The following AP4M1 variants were observed in gnomAD, a reference collection of about 807,000 sequenced individuals.
AP4M1 encodes the protein AP-4 complex subunit mu-1.
Under a neutral mutation model 62.4 loss-of-function variants are expected in AP4M1, and 58 were observed. That is an observed-to-expected ratio of 0.93 (90% CI 0.75 to 1.16). The LOEUF (loss-of-function observed/expected upper bound fraction) is 1.16. AP4M1 is among the 50% of genes most tolerant of loss of function. The probability of loss-of-function intolerance (pLI) is 0.00; values close to 1 mark genes in which losing one functional copy is unlikely to be tolerated. For missense variants in AP4M1, 626 were observed against 585.4 expected (o/e 1.07, Z -0.72); for synonymous variants, 290 against 239.7 (o/e 1.21, Z -1.94).
At chr7:100,101,617 T>C, upstream of AP4M1, 1 of 1,285,408 alleles carries the variant, frequency 7.8e-7, no homozygotes, top group Non-Finnish European at 1.1e-6. Context: ...GGAGAATCGC[T>C]CTTAAAGGGC....
At position 100,107,420 on chromosome 7, in the gene AP4M1, G is replaced by T. The variant is rs1189981486; in HGVS notation, c.*538G>T. ...GAACTGGAGAAGGATGGGAGGTGGG[G>T]CCTCCTTTGCCCTCCCCTGTTGGGG... On this transcript the variant is annotated 3_prime_UTR_variant, in exon 15 of 15. Transcript: ENST00000359593. The T allele has an allele frequency of 6.2e-7, 1 of 1,608,506 alleles. No individual in the cohort carries two copies. Among genetic ancestry groups the T allele is most frequent in the South Asian group, 1.1e-5 (1 of 90,910 alleles).
In AP4M1 at chr7:100,108,070, A is replaced by G; in HGVS notation, c.*1188A>G. ...TGGAGCCAGGAACCTTCAGCAAGCC[A>G]GGGGTGCGAGGGCCAGGCTGTGGGG... On this transcript the variant is annotated 3_prime_UTR_variant, in exon 15 of 15. Coordinates refer to ENST00000359593, the MANE Select transcript of AP4M1 (RefSeq NM_004722.4). The G allele has an allele frequency of 6.2e-7, 1 of 1,612,030 alleles. No homozygotes were observed. Among genetic ancestry groups the G allele is most frequent in the Non-Finnish European group, 8.5e-7 (1 of 1,179,560 alleles).
chr7:100,104,807 A>T (rs1389394119), intron 7 of AP4M1, 67 bp from the exon 8 acceptor site: 1 of 1,586,132 alleles, frequency 6.3e-7, no homozygotes, highest in African/African-American at 1.3e-5. Flanking sequence ...AGCCTGGGCG[A>T]CAGAGCGAGA....
Position 100,108,559 on chromosome 7 carries a change from G to A in AP4M1, c.*1677G>A, listed in dbSNP as rs1186395801. 1.3e-6 allele frequency: 2 copies of A among 1,580,454 alleles called. No homozygotes were observed. Among genetic ancestry groups the A allele is most frequent in the Non-Finnish European group, 1.7e-6 (2 of 1,158,038 alleles). On this transcript the variant is annotated 3_prime_UTR_variant, in exon 15 of 15. Transcript: ENST00000359593. ...AGTGTTTCTGCAGAACAGAAAAAAAGCCAGGTAGAGGGAGGGCTGGGGAAA... is the reference window on the plus strand; with the variant it reads ...AGTGTTTCTGCAGAACAGAAAAAAAACCAGGTAGAGGGAGGGCTGGGGAAA...
At position 100,105,990 on chromosome 7, in the gene AP4M1, C is replaced by T. The variant is rs752550923; in HGVS notation, c.961C>T (p.Leu321=). Residue 321 remains leucine, a synonymous_variant, in exon 12 of 15, where the codon CTG becomes TTG. Transcript: ENST00000359593. ...GGTTTATCTAAAGTTGCGATGTGAC[C>T]TGCTCTCAAAGAGGTAAGAGTGAGG... The part of the protein sequence containing the change: ...LQVYLKLRCD[L]LSKSQALNVR... 37 of 1,613,998 alleles carry T rather than the reference C, an allele frequency of 2.3e-5. No homozygotes were observed. Among genetic ancestry groups the T allele is most frequent in the East Asian group, 1.3e-4 (6 of 44,892 alleles).
Position 100,106,946 on chromosome 7 carries a change from C to T in AP4M1, c.*64C>T. Reference sequence around the variant, plus strand: ...TTGTCCCACGGGAGGACAGTCGTTTCTTTTCCAGCCTCCTGGCCTTCGGAC... The same window carrying T: ...TTGTCCCACGGGAGGACAGTCGTTTTTTTTCCAGCCTCCTGGCCTTCGGAC... On this transcript the variant is annotated 3_prime_UTR_variant, in exon 15 of 15. Coordinates refer to ENST00000359593, the MANE Select transcript of AP4M1 (RefSeq NM_004722.4). 1 of 1,512,410 alleles carries T rather than the reference C, an allele frequency of 6.6e-7. No homozygotes were observed. The highest frequency in any genetic ancestry group is 8.9e-7 in the Non-Finnish European group (1 of 1,120,406). 93.7% of individuals were successfully genotyped at this position (1,512,410 alleles called of 1,614,324 possible).
At chr7:100,102,592 G>T in intron 2 of AP4M1, 83 bp from the exon 3 acceptor site, 3 of 1,222,026 alleles carry the variant, frequency 2.5e-6, no homozygotes, top group East Asian at 2.3e-5. Flanking sequence ...AAGAGGCATC[G>T]GGATCCGAGC....
intron 6 of AP4M1, 51 bp from the exon 7 acceptor site, chr7:100,104,041 A>C (rs779514587): frequency 1.3e-5 from 20 of 1,522,924 alleles, no homozygotes; most frequent in South Asian, 1.1e-5. Context: ...TGTCCATTTC[A>C]GAACATAGGC....
Position 100,105,992 on chromosome 7 carries a change from G to C in AP4M1, c.963G>C (p.Leu321=). The C allele has an allele frequency of 6.2e-7, 1 of 1,614,142 alleles. No homozygotes were observed. Among genetic ancestry groups the C allele is most frequent in the Non-Finnish European group, 8.5e-7 (1 of 1,180,022 alleles). Residue 321 remains leucine, a synonymous_variant, in exon 12 of 15, where the codon CTG becomes CTC. Transcript: ENST00000359593. ...TTTATCTAAAGTTGCGATGTGACCT[G>C]CTCTCAAAGAGGTAAGAGTGAGGCT... ...LQVYLKLRCD[L]LSKSQALNVR... is the part of the protein sequence containing the mutation.
At position 100,104,753 on chromosome 7, in the gene AP4M1, C is replaced by T. The variant is rs908121952; in HGVS notation, c.607-121C>T. On this transcript the variant is annotated intron_variant, in intron 7 of 14. Coordinates refer to ENST00000359593, the MANE Select transcript of AP4M1 (RefSeq NM_004722.4). ...GGCTGAGGCAGGAGAATGTCTTGAA[C>T]CTGGGAGGTGGAGGTTGCAGTGAGC... is the stretch of plus-strand genomic sequence containing the variant. 3.8e-6 allele frequency: 4 copies of T among 1,062,954 alleles called. No individual in the cohort carries two copies. The Admixed American group carries it at 6.9e-5, about 18-fold the overall frequency. 65.8% of individuals were successfully genotyped at this position (1,062,954 alleles called of 1,614,324 possible).
upstream of AP4M1, chr7:100,101,439 G>A: frequency 8.8e-7 from 1 of 1,139,110 alleles, no homozygotes; most frequent in Non-Finnish European, 1.3e-6. Flanking sequence ...GCCACTGCGT[G>A]CGGGCCAATC....
rs1053754395 is a variant in AP4M1 at position 100,107,246 on chromosome 7, T to G, written c.*364T>G. 6.6e-7 allele frequency: 1 copy of G among 1,522,906 alleles called. No homozygotes were observed. The highest frequency in any genetic ancestry group is 8.8e-7 in the Non-Finnish European group (1 of 1,138,708). The allele number at this position is 1,522,906 out of a possible 1,614,324, so 94.3% of individuals were successfully genotyped here. A position where few individuals can be genotyped will look rare whatever the true frequency, so the allele number is the denominator to read the frequency against. On this transcript the variant is annotated 3_prime_UTR_variant, in exon 15 of 15. Coordinates refer to ENST00000359593, the MANE Select transcript of AP4M1 (RefSeq NM_004722.4). ...AATCCGGGGGCTGGCAGGTGGAGCA[T>G]CACGGAGCAGGCTGAGGGGAGCCGG...
At position 100,107,021 on chromosome 7, in the gene AP4M1, A is replaced by G. The variant is rs1012648149; in HGVS notation, c.*139A>G. On this transcript the variant is annotated 3_prime_UTR_variant, in exon 15 of 15. Coordinates refer to ENST00000359593, the MANE Select transcript of AP4M1 (RefSeq NM_004722.4). ...TCAGTCCCAAGACCAGGAGGGGGCA[A>G]TGGGCCCAGCCTTTCTGTGGTATCT... 59 of 1,236,032 alleles carry G rather than the reference A, an allele frequency of 4.8e-5. No homozygotes were observed. The highest frequency in any genetic ancestry group is 6.3e-5 in the Non-Finnish European group (55 of 875,234). The allele number at this position is 1,236,032 out of a possible 1,614,324, so 76.6% of individuals were successfully genotyped here.
At position 100,106,757 on chromosome 7, in the gene AP4M1, C is replaced by T. The variant is rs778562405; in HGVS notation, c.1237C>T (p.Arg413Trp). ...GPASLSFELP[R>W]HTCSGLQVRF... Reference sequence around the variant, plus strand: ...TGCCAGTCTCTCCTTCGAGCTTCCCCGGCACACGTGCTCTGGCCTCCAGGT... The same window carrying T: ...TGCCAGTCTCTCCTTCGAGCTTCCCTGGCACACGTGCTCTGGCCTCCAGGT... Residue 413 changes from arginine (R) to tryptophan (W), a missense_variant, in exon 15 of 15, where the codon CGG (arginine) becomes TGG (tryptophan). Coordinates refer to ENST00000359593, the MANE Select transcript of AP4M1 (RefSeq NM_004722.4). 5.2e-5 allele frequency: 84 copies of T among 1,613,964 alleles called. No homozygotes were observed. Among genetic ancestry groups the T allele is most frequent in the Admixed American group, 8.3e-5 (5 of 60,008 alleles).
Position 100,107,890 on chromosome 7 carries a change from C to T in AP4M1, c.*1008C>T. 1 of 1,570,978 alleles carries T rather than the reference C, an allele frequency of 6.4e-7. No individual in the cohort carries two copies. Among genetic ancestry groups the T allele is most frequent in the Non-Finnish European group, 8.7e-7 (1 of 1,155,250 alleles). ...CCAGGGTGCTCTGAGGTAACCCAGG[C>T]CCTCCAGATGCTCCCTGTCCCACAG... On this transcript the variant is annotated 3_prime_UTR_variant, in exon 15 of 15. Coordinates refer to ENST00000359593, the MANE Select transcript of AP4M1 (RefSeq NM_004722.4).
chr7:100,105,171 G>A (rs971452596), intron 9 of AP4M1, 69 bp from the exon 10 acceptor site: 32 of 1,611,638 alleles, frequency 2.0e-5, no homozygotes, highest in Non-Finnish European at 2.6e-5. Flanking sequence ...GTCAGACAGA[G>A]CCTCCCCTCT....
In AP4M1 at chr7:100,102,955, G is replaced by C; in HGVS notation, c.346G>C (p.Val116Leu). ...VALVYELLDE[V>L]LDYGYVQTTS... ...TCTGGTATACGAACTCCTGGATGAAGTGCTGGTGAGAATCAACAATCCCCT... is the reference window on the plus strand; with the variant it reads ...TCTGGTATACGAACTCCTGGATGAACTGCTGGTGAGAATCAACAATCCCCT... Residue 116 changes from valine (V) to leucine (L), a missense_variant, in exon 4 of 15, where the codon GTG becomes CTG. Coordinates refer to ENST00000359593, the MANE Select transcript of AP4M1 (RefSeq NM_004722.4). 6.2e-7 allele frequency: 1 copy of C among 1,613,526 alleles called. No homozygotes were observed. Among genetic ancestry groups the C allele is most frequent in the Non-Finnish European group, 8.5e-7 (1 of 1,179,658 alleles).
intron 7 of AP4M1, 97 bp downstream of exon 7, chr7:100,104,251 C>A: frequency 1.9e-6 from 2 of 1,051,928 alleles, no homozygotes; most frequent in Non-Finnish European, 2.9e-6. Flanking sequence ...GGCACAGTGG[C>A]TCATGCTTGT....
Position 100,103,390 on chromosome 7 carries a change from G to A in AP4M1, c.352-19G>A. The stretch of plus-strand genomic sequence containing the variant: ...CTTCCCTCCACTGATCACTCAGACT[G>A]TCCTTCCTTTACCACTAGGACTATG... On this transcript the variant is annotated intron_variant, in intron 4 of 14. Coordinates refer to ENST00000359593, the MANE Select transcript of AP4M1 (RefSeq NM_004722.4). 8.1e-6 allele frequency: 13 copies of A among 1,604,950 alleles called. No individual in the cohort carries two copies. The highest frequency in any genetic ancestry group is 1.1e-5 in the Non-Finnish European group (13 of 1,171,878).
Sources: gnomAD v4.1 joint callset for allele counts on GRCh38, gnomAD v4.1.1 for gene constraint, MANE v1.5 for transcripts, NCBI Gene and HGNC (gene_info 2026-07-23, HGNC 2026-07-21) for gene names.